TMC1: variants seen among roughly 807,000 people sequenced by gnomAD.
TMC1 encodes transmembrane channel like 1.
A neutral mutation model predicts 105.8 loss-of-function variants in TMC1; 84 were observed. The ratio of observed to expected loss-of-function variants is 0.79; its 90% CI spans 0.67 to 0.95. The LOEUF (loss-of-function observed/expected upper bound fraction) is 0.95. Among genes scored for constraint, TMC1 ranks in the 40% least tolerant of loss-of-function variants. The probability of loss-of-function intolerance (pLI) is 0.00; values close to 1 mark genes in which losing one functional copy is unlikely to be tolerated. For synonymous variants in TMC1, 315 were observed against 311.5 expected (o/e 1.01, Z -0.12); for missense variants, 817 against 914.1 (o/e 0.89, Z 1.37).
intron 17 of TMC1, among the ~76,000 whole-genome samples, chr9:72,792,788 A>T (rs1828296741): frequency 6.6e-6 from 1 of 152,226 alleles, no homozygotes; most frequent in African/African-American, 2.4e-5. Flanking sequence ...AGAGGCAGCT[A>T]GTGTGCATGG....
chr9:72,800,933 CA>C (rs1373750491), intron 17 of TMC1, among the ~76,000 whole-genome samples: 1 of 152,150 alleles, frequency 6.6e-6, no homozygotes, highest in Non-Finnish European at 1.5e-5. Context: ...TGTATCCATG[CA>C]TCTAAAATTT....
chr9:72,657,240 T>C (rs1825899093), intron 5 of TMC1, among the ~76,000 whole-genome samples: 1 of 152,240 alleles, frequency 6.6e-6, no homozygotes, highest in Admixed American at 6.5e-5. Flanking sequence ...CCTGCCCATG[T>C]TGCAGCCTAG....
At chr9:72,785,411 G>C (rs1369955893) in intron 13 of TMC1, among the ~76,000 whole-genome samples, 2 of 152,066 alleles carry the variant, frequency 1.3e-5, no homozygotes, top group African/African-American at 4.8e-5. Context: ...TAGAAGATTT[G>C]TTCTTACTGT....
intron 1 of TMC1, among the ~76,000 whole-genome samples, chr9:72,570,408 GA>G (rs1824256907): frequency 2.0e-5 from 3 of 151,086 alleles, no homozygotes; most frequent in South Asian, 4.2e-4. Flanking sequence ...AGAAAGTCCA[GA>G]AAAAAAAACT....
chr9:72,586,402 G>A (rs923923818), intron 2 of TMC1, among the ~76,000 whole-genome samples: 6 of 152,174 alleles, frequency 3.9e-5, no homozygotes, highest in Non-Finnish European at 8.8e-5. Flanking sequence ...CATGTAGTAG[G>A]AGAGCTTTGA....
chr9:72,663,871 T>C (rs1432325277), intron 5 of TMC1, among the ~76,000 whole-genome samples: 1 of 152,164 alleles, frequency 6.6e-6, no homozygotes, highest in African/African-American at 2.4e-5. Context: ...CTATAAGTGC[T>C]TTCTATTTTC....
At chr9:72,541,222 A>C (rs766168963) in intron 1 of TMC1, among the ~76,000 whole-genome samples, 19 of 152,198 alleles carry the variant, frequency 1.2e-4, no homozygotes, top group Non-Finnish European at 2.5e-4. Flanking sequence ...TCTTTACACC[A>C]ACCAGTGTTA....
At chr9:72,758,612 C>T (rs937046499) in intron 12 of TMC1, among the ~76,000 whole-genome samples, 6 of 152,052 alleles carry the variant, frequency 3.9e-5, no homozygotes, top group African/African-American at 4.8e-5. Context: ...CACAGACAGC[C>T]GTGGGCTGTC....
rs1218939906 is a variant in TMC1 at position 72,617,947 on chromosome 9, G to GTGTA, written c.-196+1474_-196+1477dup. ...TGTGTGTGTGTGTGTGTGTGTGTGT[G>GTGTA]TGTATGTGTGATTTCTAGAGGGACA... On this transcript the variant is annotated intron_variant, in intron 3 of 23. Transcript: ENST00000297784. Among the ~76,000 whole-genome samples, 6 of 129,034 alleles carry GTGTA rather than the reference G, an allele frequency of 4.6e-5. No homozygotes were observed. In the East Asian group the frequency reaches 1.1e-3, roughly 24 times the overall value. The allele number at this position is 129,034 out of a possible 152,430, so 84.7% of individuals were successfully genotyped here.
intron 2 of TMC1, among the ~76,000 whole-genome samples, chr9:72,606,996 T>C (rs1372176597): frequency 1.0e-5 from 1 of 99,858 alleles, no homozygotes; most frequent in African/African-American, 3.9e-5. Flanking sequence ...TATATATATA[T>C]ATATATAGAG....
intron 19 of TMC1, chr9:72,816,977 G>C (rs1427267701): frequency 6.6e-6 from 1 of 152,148 alleles, no homozygotes; most frequent in East Asian, 1.9e-4. Context: ...CTTTATCCTG[G>C]GGACATGTGC....
At chr9:72,770,418 G>A (rs1197031106) in intron 12 of TMC1, among the ~76,000 whole-genome samples, 1 of 137,600 alleles carries the variant, frequency 7.3e-6, no homozygotes, top group Non-Finnish European at 1.6e-5. Flanking sequence ...AAATTTGTTG[G>A]GTTTTTTTTT....
At chr9:72,777,848 A>G (rs1828030049) in intron 13 of TMC1, among the ~76,000 whole-genome samples, 1 of 152,242 alleles carries the variant, frequency 6.6e-6, no homozygotes, top group Non-Finnish European at 1.5e-5. Flanking sequence ...CATTTATTAT[A>G]TGTATTGTGC....
At chr9:72,757,446 T>C (rs1296746444) in intron 12 of TMC1, among the ~76,000 whole-genome samples, 1 of 152,216 alleles carries the variant, frequency 6.6e-6, no homozygotes, top group East Asian at 1.9e-4. Context: ...TAGCACACAG[T>C]ACAGGCTGAG....
At chr9:72,549,604 G>A (rs2132070740) in intron 1 of TMC1, among the ~76,000 whole-genome samples, 1 of 132,714 alleles carries the variant, frequency 7.5e-6, no homozygotes, top group African/African-American at 3.1e-5. Context: ...CACCACATCT[G>A]GCTATTTTTT....
chr9:72,799,954 G>A (rs1023159015), intron 17 of TMC1, among the ~76,000 whole-genome samples: 5 of 152,290 alleles, frequency 3.3e-5, no homozygotes, highest in Admixed American at 2.6e-4. Context: ...AGAAGCAGAG[G>A]TTGGAATGAT....
chr9:72,829,520 A>G (rs1365974651), intron 21 of TMC1, among the ~76,000 whole-genome samples: 4 of 152,058 alleles, frequency 2.6e-5, no homozygotes, highest in Non-Finnish European at 4.4e-5. Flanking sequence ...CACACACACA[A>G]ACATTTATTG....
At chr9:72,718,586 G>A (rs1334469318) in intron 8 of TMC1, among the ~76,000 whole-genome samples, 2 of 152,222 alleles carry the variant, frequency 1.3e-5, no homozygotes, top group Admixed American at 6.5e-5. Flanking sequence ...GTGGATACCA[G>A]CATCTGGTCC....
chr9:72,677,338 T>C (rs1826219081), intron 5 of TMC1, among the ~76,000 whole-genome samples: 3 of 152,126 alleles, frequency 2.0e-5, no homozygotes, highest in Admixed American at 6.6e-5. Flanking sequence ...AGCCTTTGGT[T>C]CTTTTCAGGC....
Sources: allele counts gnomAD v4.1 joint callset (sites outside exome capture counted in the v4.1 genomes callset), GRCh38; gene constraint gnomAD v4.1.1; transcripts MANE v1.5; gene names NCBI Gene and HGNC (gene_info 2026-07-23, HGNC 2026-07-21).